Variants in ASPM observed in about 807,000 individuals in gnomAD.
ASPM encodes the protein assembly factor for spindle microtubules, also known as abnormal spindle-like microcephaly-associated protein.
Under a neutral mutation model 366.4 loss-of-function variants are expected in ASPM, and 256 were observed. The observed-to-expected ratio is 0.70, with a 90% CI of 0.63 to 0.77. ASPM has a LOEUF of 0.77. Among genes scored for constraint, ASPM ranks in the 30% least tolerant of loss-of-function variants. The probability of loss-of-function intolerance (pLI) is 0.00; values close to 1 mark genes in which losing one functional copy is unlikely to be tolerated. For missense variants in ASPM, 4,146 were observed against 4,090.4 expected (o/e 1.01, Z -0.37); for synonymous variants, 1,414 against 1,342.9 (o/e 1.05, Z -1.16).
chr1:197,095,946 A>T, intron 19 of ASPM, 52 bp downstream of exon 19: 15 of 1,436,430 alleles, frequency 1.0e-5, no homozygotes, highest in Non-Finnish European at 1.3e-5. Context: ...GTAAAGACTT[A>T]GCTATCACAC....
At position 197,142,636 on chromosome 1, in the gene ASPM, T is replaced by G. The variant is rs1658625828; in HGVS notation, c.1616A>C (p.Glu539Ala). ...EKVINNQKEK[E>A]DFHSYLPIID... Reference sequence around the variant, plus strand: ...AATTGGAAGATAAGAATGAAAATCTTCTTTTTCCTTTTGATTATTTATTAC... The same window carrying G: ...AATTGGAAGATAAGAATGAAAATCTGCTTTTTCCTTTTGATTATTTATTAC... Residue 539 changes from glutamate to alanine, a missense_variant, in exon 3 of 28, where the codon GAA (glutamate) becomes GCA (alanine). This residue lies in a region of ASPM where 3,624 missense variants were observed against 3,591.7 expected (regional missense o/e 1.01). Transcript: ENST00000367409. 1 of 1,612,122 alleles carries G rather than the reference T, an allele frequency of 6.2e-7. No homozygotes were observed. Among genetic ancestry groups the G allele is most frequent in the Non-Finnish European group, 8.5e-7 (1 of 1,178,562 alleles).
chr1:197,094,083 C>T lies in ASPM; in HGVS notation c.9084+1G>A. 1 of 1,545,804 alleles carries T rather than the reference C, an allele frequency of 6.5e-7. No homozygotes were observed. Among genetic ancestry groups the T allele is most frequent in the Non-Finnish European group, 8.9e-7 (1 of 1,127,690 alleles). On this transcript the variant is annotated splice_donor_variant, in intron 20 of 27. Coordinates refer to ENST00000367409, the MANE Select transcript of ASPM (RefSeq NM_018136.5). LOFTEE classifies it high-confidence loss of function. ...CAAGTGAATTAATTTTTAATACCTA[C>T]TTTTATCATTAAGAAGTGTTCATGA...
chr1:197,108,971 C>CAAAAAA (rs564818123), intron 17 of ASPM, among the ~76,000 whole-genome samples: 1 of 69,756 alleles, frequency 1.4e-5, no homozygotes, highest in African/African-American at 6.5e-5. Context: ...ACCCTGTCTC[C>CAAAAAA]AAAAAAAAAA....
chr1:197,145,709 A>G (rs1658745451), intron 1 of ASPM, among the ~76,000 whole-genome samples: 1 of 152,146 alleles, frequency 6.6e-6, no homozygotes, highest in African/African-American at 2.4e-5. Context: ...CTATTTCACA[A>G]CGCCTTAAGT....
chr1:197,085,597 T>A (rs1489009466), intron 27 of ASPM, among the ~76,000 whole-genome samples: 3 of 152,138 alleles, frequency 2.0e-5, no homozygotes, highest in African/African-American at 7.2e-5. Flanking sequence ...AATCCATGCA[T>A]AAACATGAAC....
In ASPM at chr1:197,132,363, T is replaced by A; in HGVS notation, c.2420-11A>T. The A allele has an allele frequency of 1.2e-6, 2 of 1,611,972 alleles. No individual in the cohort carries two copies. Among genetic ancestry groups the A allele is most frequent in the Middle Eastern group, 1.7e-4 (1 of 6,042 alleles). Reference sequence around the variant, plus strand: ...CTTTCTGACGTTCTCCTGAAATGCATGTCAAAGGCAAATAAGTTCAAATTG... The same window carrying A: ...CTTTCTGACGTTCTCCTGAAATGCAAGTCAAAGGCAAATAAGTTCAAATTG... On this transcript the variant is annotated splice_polypyrimidine_tract_variant and intron_variant, in intron 6 of 27. Coordinates refer to ENST00000367409, the MANE Select transcript of ASPM (RefSeq NM_018136.5).
intron 18 of ASPM, among the ~76,000 whole-genome samples, chr1:197,098,685 A>T (rs914269624): frequency 2.0e-5 from 3 of 150,512 alleles, no homozygotes; most frequent in African/African-American, 7.3e-5. Flanking sequence ...CCCTCTTAAC[A>T]CCTTGTTGGC....
At position 197,103,439 on chromosome 1, in the gene ASPM, T is replaced by C. The variant is rs2125095605; in HGVS notation, c.5812A>G (p.Arg1938Gly). 1.2e-6 allele frequency: 2 copies of C among 1,613,384 alleles called. No homozygotes were observed. The highest frequency in any genetic ancestry group is 2.2e-5 in the East Asian group (1 of 44,850). The change falls in exon 18 of 28, where the codon AGG becomes GGG. Residue 1938 changes from arginine to glycine, a missense_variant. Coordinates refer to ENST00000367409, the MANE Select transcript of ASPM (RefSeq NM_018136.5). ...TCAATATACTCCATACATTGCTTCC[T>C]TCCTGCAGTCCATGCTCTGAAATTT... is the stretch of plus-strand genomic sequence containing the variant. Reference protein sequence around the residue: ...QQNFRAWTAGRKQCMEYIELR... With the variant: ...QQNFRAWTAGGKQCMEYIELR...
chr1:197,137,696 G>A (rs1383337875), intron 4 of ASPM, among the ~76,000 whole-genome samples: 1 of 152,162 alleles, frequency 6.6e-6, no homozygotes, highest in Non-Finnish European at 1.5e-5. Flanking sequence ...AGCCGGGCAG[G>A]TCACAAACTC....
rs756009505 is a variant in ASPM, at chr1:197,101,155, T to C, written c.8096A>G (p.Tyr2699Cys). ...ATCAACTTTGGCCCTGTGCATTCGA[T>C]AGAATGACTGAATTAGTGTGGCAGC... ...HRAATLIQSF[Y>C]RMHRAKVDYE... Residue 2699 changes from tyrosine to cysteine, a missense_variant, in exon 18 of 28, where the codon TAT becomes TGT. Tyr to Cys is a radical substitution (Grantham distance 194, BLOSUM62 -2). Coordinates refer to ENST00000367409, the MANE Select transcript of ASPM (RefSeq NM_018136.5). 6.2e-6 allele frequency: 10 copies of C among 1,612,462 alleles called. No homozygotes were observed. Among genetic ancestry groups the C allele is most frequent in the Non-Finnish European group, 8.5e-6 (10 of 1,179,112 alleles).
At chr1:197,089,042 T>C (rs762046405) in intron 25 of ASPM, among the ~76,000 whole-genome samples, 2 of 152,028 alleles carry the variant, frequency 1.3e-5, no homozygotes, top group Non-Finnish European at 2.9e-5. Context: ...TTGTATGGCA[T>C]GTTTATGTAT....
chr1:197,090,893 C>A lies in ASPM; in HGVS notation c.9593G>T (p.Arg3198Leu), dbSNP rs145333987. The A allele has an allele frequency of 2.5e-6, 4 of 1,612,968 alleles. No homozygotes were observed. Among genetic ancestry groups the A allele is most frequent in the African/African-American group, 2.7e-5 (2 of 74,856 alleles). Residue 3198 changes from arginine to leucine, a missense_variant, in exon 23 of 28, where the codon CGT (arginine) becomes CTT (leucine). By Grantham distance (102) the Arg-to-Leu change is moderately radical (BLOSUM62 -2). Around this residue, in one of 3 missense-constraint regions of ASPM, gnomAD observed 3,624 missense variants for 3,591.7 expected, o/e 1.01. Transcript: ENST00000367409. ...ACTAGTGAATTTTTCCTGCTTTTTA[C>A]GGAGGAGAAAATGGCGCACTGCTTT... ...IQKAVRHFLLRKKQEKFTSGI... is the reference protein window; with the variant it reads ...IQKAVRHFLLLKKQEKFTSGI...
intron 20 of ASPM, among the ~76,000 whole-genome samples, chr1:197,093,606 T>C (rs78868179): frequency 6.6e-6 from 1 of 151,810 alleles, no homozygotes; most frequent in Non-Finnish European, 1.5e-5. Context: ...ACGGTGATCA[T>C]AAATAGCTAT....
At position 197,093,200 on chromosome 1, in the gene ASPM, A is replaced by C. The variant is rs1473775478; in HGVS notation, c.9146T>G (p.Phe3049Cys). The C allele has an allele frequency of 6.2e-7, 1 of 1,612,748 alleles. No individual in the cohort carries two copies. The highest frequency in any genetic ancestry group is 1.1e-5 in the South Asian group (1 of 91,060). ...HYRGYKGRQV[F>C]LRQKSAALII... Reference sequence around the variant, plus strand: ...CAAAGCAGCAGATTTCTGCCGAAGAAAGACCTGCCTTCCTTTATATCCTCT... The same window carrying C: ...CAAAGCAGCAGATTTCTGCCGAAGACAGACCTGCCTTCCTTTATATCCTCT... Residue 3049 changes from phenylalanine to cysteine, a missense_variant, in exon 21 of 28, where the codon TTT becomes TGT. Around this residue, in one of 3 missense-constraint regions of ASPM, gnomAD observed 3,624 missense variants for 3,591.7 expected, o/e 1.01. Transcript: ENST00000367409.
At position 197,084,377 on chromosome 1, in the gene ASPM, T is replaced by C; in HGVS notation, c.10381A>G (p.Asn3461Asp). 6.2e-7 allele frequency: 1 copy of C among 1,613,284 alleles called. No individual in the cohort carries two copies. Among genetic ancestry groups the C allele is most frequent in the Non-Finnish European group, 8.5e-7 (1 of 1,179,784 alleles). Residue 3461 changes from asparagine (N) to aspartate (D), a missense_variant, in exon 28 of 28, where the codon AAT becomes GAT. By Grantham distance (23) the Asn-to-Asp change is conservative (BLOSUM62 1). Coordinates refer to ENST00000367409, the MANE Select transcript of ASPM (RefSeq NM_018136.5). Reference sequence around the variant, plus strand: ...ACCATTTGAATAGCTTGCAGGGGATTTGTGATTTCTTCCATGTTATCTCTT... The same window carrying C: ...ACCATTTGAATAGCTTGCAGGGGATCTGTGATTTCTTCCATGTTATCTCTT... ...LRRDNMEEIT[N>D]PLQAIQMVMD...
chr1:197,128,159 G>A (rs1394951192), intron 10 of ASPM, among the ~76,000 whole-genome samples: 18 of 148,054 alleles, frequency 1.2e-4, no homozygotes, highest in African/African-American at 2.0e-4. Flanking sequence ...GCAAGACTCC[G>A]TCTCAAAAAA....
chr1:197,095,042 A>G (rs370486060), intron 19 of ASPM, among the ~76,000 whole-genome samples: 2 of 151,938 alleles, frequency 1.3e-5, no homozygotes, highest in South Asian at 2.1e-4. Flanking sequence ...TGATCAAATC[A>G]GGGTAAATGG....
rs1200083862 is a variant in ASPM, at chr1:197,093,139, T to C, written c.9207A>G (p.Gly3069=). 6.2e-7 allele frequency: 1 copy of C among 1,612,538 alleles called. No homozygotes were observed. The highest frequency in any genetic ancestry group is 2.2e-5 in the East Asian group (1 of 44,814). ...IQKYIRAREA[G]KHERIKYIEF... ...CAATATATTTTATCCTTTCATGCTT[T>C]CCAGCCTCCCTGGCTCGTATATATT... Residue 3069 remains glycine, a synonymous_variant, in exon 21 of 28, where the codon GGA becomes GGG. Transcript: ENST00000367409.
intron 4 of ASPM, chr1:197,138,625 T>C: frequency 2.1e-6 from 1 of 468,264 alleles, no homozygotes; most frequent in Middle Eastern, 6.2e-4. Context: ...TTAGGGAAAA[T>C]ATACAATAAG....
Sources: gnomAD v4.1 joint callset for allele counts (sites outside exome capture counted in the v4.1 genomes callset) on GRCh38, gnomAD v4.1.1 for gene constraint, gnomAD v4.1.1 regional missense constraint, MANE v1.5 for transcripts, NCBI Gene and HGNC (gene_info 2026-07-23, HGNC 2026-07-21) for gene names.